Variants in PHF8 observed in about 807,000 individuals in gnomAD.
PHF8 encodes PHD finger protein 8.
Under a neutral mutation model 74.4 loss-of-function variants are expected in PHF8, and 9 were observed. The observed-to-expected ratio is 0.12, with a 90% CI of 0.07 to 0.21. The LOEUF is 0.21. Ranked by LOEUF, PHF8 falls within the 10% of genes least tolerant of loss-of-function variation. The probability of loss-of-function intolerance (pLI) is 1.00; values close to 1 mark genes in which losing one functional copy is unlikely to be tolerated. For missense variants in PHF8, 478 were observed against 816.6 expected (o/e 0.59, Z 5.05); for synonymous variants, 311 against 316.6 (o/e 0.98, Z 0.19).
At chrX:53,998,936 G>C (rs2065788731) in intron 11 of PHF8, among the ~76,000 whole-genome samples, 1 of 111,963 alleles carries the variant, frequency 8.9e-6, no homozygotes, top group Non-Finnish European at 1.9e-5. Context: ...GATATTTACT[G>C]TCTGATTCTT....
intron 18 of PHF8, among the ~76,000 whole-genome samples, chrX:53,977,074 C>T (rs1240118745): frequency 2.7e-5 from 3 of 112,633 alleles, no homozygotes; most frequent in Non-Finnish European, 3.7e-5. Context: ...GTGGCTCATG[C>T]CAATAATCCC....
At chrX:53,989,027 T>C (rs912663299) in intron 14 of PHF8, among the ~76,000 whole-genome samples, 3 of 108,934 alleles carry the variant, frequency 2.8e-5, no homozygotes, top group African/African-American at 1.0e-4. Flanking sequence ...AGTGGCATGA[T>C]CTTGGCTCAC....
chrX:54,005,952 A>G (rs1279615935), intron 8 of PHF8, among the ~76,000 whole-genome samples: 2 of 112,270 alleles, frequency 1.8e-5, no homozygotes, highest in Non-Finnish European at 3.8e-5. Flanking sequence ...GGTGAATACC[A>G]TAGAATTTCC....
chrX:54,044,637 C>T (rs1164813016), upstream of PHF8, among the ~76,000 whole-genome samples: 1 of 112,861 alleles, frequency 8.9e-6, no homozygotes, highest in Non-Finnish European at 1.9e-5. Context: ...AGCCCAGAGG[C>T]GGAGAAGCCG....
At chrX:53,988,059 C>G (rs1557100269) in intron 14 of PHF8, 115 bp from the exon 15 acceptor site, 3 of 596,722 alleles carry the variant, frequency 5.0e-6, no homozygotes, top group Non-Finnish European at 2.7e-6. Context: ...CAAAATCCAG[C>G]CAGCTTTTTA....
At chrX:53,973,300 GA>G (rs1216149260) in intron 18 of PHF8, among the ~76,000 whole-genome samples, 1 of 111,654 alleles carries the variant, frequency 9.0e-6, no homozygotes, top group Non-Finnish European at 1.9e-5. Flanking sequence ...GAAACTACTT[GA>G]AAATTCACAT....
chrX:53,990,928 C>G (rs1360360122), intron 14 of PHF8, among the ~76,000 whole-genome samples: 4 of 111,904 alleles, frequency 3.6e-5, no homozygotes, highest in Admixed American at 1.9e-4. Context: ...TCTTTTGTCT[C>G]TATCTTCATC....
chrX:53,964,770 C>T (rs895696794), intron 18 of PHF8, among the ~76,000 whole-genome samples: 6 of 107,163 alleles, frequency 5.6e-5, no homozygotes, highest in Admixed American at 2.0e-4. Context: ...AGGAGGCTGA[C>T]GCAGGAGAAT....
chrX:53,998,409 G>A (rs1424621871), intron 11 of PHF8, among the ~76,000 whole-genome samples: 1 of 111,214 alleles, frequency 9.0e-6, no homozygotes, highest in African/African-American at 3.3e-5. Context: ...AGCTGAGATC[G>A]TGCCACTGCA....
chrX:53,977,808 G>A (rs1439618348), intron 18 of PHF8, among the ~76,000 whole-genome samples: 2 of 108,640 alleles, frequency 1.8e-5, no homozygotes, highest in African/African-American at 3.4e-5. Flanking sequence ...CACCACGCCC[G>A]GCTAATTTTT....
chrX:54,033,574 G>A (rs782632591), intron 2 of PHF8, among the ~76,000 whole-genome samples: 6 of 111,378 alleles, frequency 5.4e-5, no homozygotes, highest in East Asian at 2.8e-4. Context: ...ATAGCTGGGC[G>A]TGGTGGCATG....
chrX:54,013,612 G>A (rs1394468271), intron 7 of PHF8, among the ~76,000 whole-genome samples: 1 of 110,721 alleles, frequency 9.0e-6, no homozygotes, highest in African/African-American at 3.3e-5. Flanking sequence ...CAGGTCAGGC[G>A]TTCGAGACCA....
intron 18 of PHF8, among the ~76,000 whole-genome samples, chrX:53,964,882 A>G (rs2065158086): frequency 9.2e-6 from 1 of 109,017 alleles, no homozygotes; most frequent in Non-Finnish European, 1.9e-5. Context: ...AAAAAAAAAA[A>G]AAAAAAGAAA....
chrX:54,023,486 C>T (rs1557110574), intron 2 of PHF8, among the ~76,000 whole-genome samples: 1 of 110,144 alleles, frequency 9.1e-6, no homozygotes, highest in Non-Finnish European at 1.9e-5. Context: ...TTTGACTTTG[C>T]ATGTATATGA....
intron 14 of PHF8, among the ~76,000 whole-genome samples, chrX:53,991,901 A>G (rs782245865): frequency 4.5e-5 from 5 of 110,709 alleles, no homozygotes; most frequent in Non-Finnish European, 9.4e-5. Flanking sequence ...GTACATACAT[A>G]TCTCTGGAAG....
chrX:54,038,762 C>T (rs993631266), intron 2 of PHF8, among the ~76,000 whole-genome samples: 14 of 111,655 alleles, frequency 1.3e-4, no homozygotes, highest in African/African-American at 3.3e-4. Flanking sequence ...ATAGTTGCCT[C>T]GCTTGTTATA....
chrX:53,966,860 T>C (rs1445676779), intron 18 of PHF8, among the ~76,000 whole-genome samples: 1 of 104,794 alleles, frequency 9.5e-6, no homozygotes, highest in Non-Finnish European at 2.0e-5. Flanking sequence ...TCGTCTGAGA[T>C]GTGGGGAGTG....
chrX:53,987,733 G>A (rs2065589246), intron 15 of PHF8, 33 bp downstream of exon 15: 3 of 1,118,085 alleles, frequency 2.7e-6, no homozygotes, highest in Non-Finnish European at 3.6e-6. Context: ...AAAAAAACGG[G>A]CAGGGGAGGA....
chrX:54,035,203 A>G (rs2066431200), intron 2 of PHF8, among the ~76,000 whole-genome samples: 1 of 108,333 alleles, frequency 9.2e-6, no homozygotes, highest in Non-Finnish European at 1.9e-5. Flanking sequence ...CTAAAAATAC[A>G]AAAATTAGCC....
Sources: allele counts gnomAD v4.1 joint callset (sites outside exome capture counted in the v4.1 genomes callset), GRCh38; gene constraint gnomAD v4.1.1; transcripts MANE v1.5; gene names NCBI Gene and HGNC (gene_info 2026-07-23, HGNC 2026-07-21).